Variants in NREP observed in about 807,000 individuals in gnomAD.
NREP encodes neuronal regeneration related protein.
A neutral mutation model predicts 8.6 loss-of-function variants in NREP; 5 were observed. The ratio of observed to expected loss-of-function variants is 0.58; its 90% CI spans 0.30 to 1.22. The LOEUF (loss-of-function observed/expected upper bound fraction) is 1.22. NREP is among the 50% of genes most tolerant of loss of function. The pLI is 0.07. For synonymous variants in NREP, 27 were observed against 28.0 expected, an observed-to-expected ratio of 0.96 and a Z score of 0.11; for missense variants, 86 against 82.5, an observed-to-expected ratio of 1.04 and a Z score of -0.17.
At position 111,762,995 on chromosome 5, in the gene NREP, G is replaced by A. The variant is rs369811181; in HGVS notation, c.136-27488C>T. On this transcript the variant is annotated intron_variant, in intron 2 of 3. Transcript: ENST00000395634. ...GTGTATAAAAGTTGAAGTCAGGAGG[G>A]CTCCACTAAAATTCACGGCTCGTTT... 1.4e-3 allele frequency among the ~76,000 whole-genome samples: 220 copies of A among 152,286 alleles called. 1 individual carries two copies. The highest frequency in any genetic ancestry group is 3.4e-3 in the Middle Eastern group (1 of 294).
At chr5:111,756,338 G>C in intron 1 of NREP, 2 of 504,364 alleles carry the variant, frequency 4.0e-6, no homozygotes, top group East Asian at 1.5e-4. Context: ...GGGGTGGGGG[G>C]AGTCAGGAAT....
At chr5:111,844,140 A>C (rs568308989) in intron 2 of NREP, among the ~76,000 whole-genome samples, 1 of 152,328 alleles carries the variant, frequency 6.6e-6, no homozygotes, top group African/African-American at 2.4e-5. Flanking sequence ...ATGTTTAAAA[A>C]GATAGAATAA....
At chr5:111,905,173 C>T (rs149664594) in intron 2 of NREP, among the ~76,000 whole-genome samples, 1 of 152,186 alleles carries the variant, frequency 6.6e-6, no homozygotes, top group East Asian at 1.9e-4. Context: ...GCAAAATTTT[C>T]CGTTGACCTC....
chr5:111,914,930 T>G (rs1222557500), intron 2 of NREP, among the ~76,000 whole-genome samples: 1 of 152,188 alleles, frequency 6.6e-6, no homozygotes, highest in Non-Finnish European at 1.5e-5. Context: ...AATCTTGCTC[T>G]TCTTTTTTAT....
chr5:111,810,889 T>G (rs1439143201), intron 2 of NREP, among the ~76,000 whole-genome samples: 1 of 152,224 alleles, frequency 6.6e-6, no homozygotes, highest in Non-Finnish European at 1.5e-5. Flanking sequence ...AGTAATTCTT[T>G]CAAGTGCATT....
chr5:111,920,812 G>A lies in NREP; in HGVS notation c.135+54462C>T, dbSNP rs983419080. ...GGGCAGAACACTACAAAGTGGATGT[G>A]CCTGGTTCAAGGTAGCTCTTCTAAT... On this transcript the variant is annotated intron_variant, in intron 2 of 3. Transcript: ENST00000395634. Among the ~76,000 whole-genome samples, 5 of 152,274 alleles carry A rather than the reference G, an allele frequency of 3.3e-5. No homozygotes were observed. The East Asian group carries it at 9.7e-4, about 29-fold the overall frequency.
chr5:111,757,146 C>T lies in NREP; in HGVS notation c.-69G>A, dbSNP rs1234921559. ...ATGGCATATACTTACAGACAAAAGC[C>T]CCGCTCCCTGTTCACTCTCTCTCCT... On this transcript the variant is annotated 5_prime_UTR_variant, in exon 1 of 4. Transcript: ENST00000257435. The T allele has an allele frequency of 8.2e-6, 8 of 976,694 alleles. No individual in the cohort carries two copies. Among genetic ancestry groups the T allele is most frequent in the African/African-American group, 1.8e-5 (1 of 56,768 alleles). 60.5% of individuals were successfully genotyped at this position (976,694 alleles called of 1,614,324 possible).
At chr5:111,872,637 G>T (rs1753815926) in intron 2 of NREP, among the ~76,000 whole-genome samples, 1 of 152,088 alleles carries the variant, frequency 6.6e-6, no homozygotes, top group Non-Finnish European at 1.5e-5. Context: ...TTGAGTGAAC[G>T]TTTTGTACAA....
At chr5:111,885,729 C>T (rs1219449234) in intron 2 of NREP, among the ~76,000 whole-genome samples, 4 of 152,134 alleles carry the variant, frequency 2.6e-5, no homozygotes, top group Admixed American at 2.6e-4. Flanking sequence ...GGAAAGGATT[C>T]CCTATTTAAT....
chr5:111,746,875 C>G (rs1208383047), intron 2 of NREP, among the ~76,000 whole-genome samples: 1 of 152,274 alleles, frequency 6.6e-6, no homozygotes, highest in Non-Finnish European at 1.5e-5. Flanking sequence ...TGCTTTTAAA[C>G]GGTGGGTACA....
chr5:111,819,047 G>A (rs1203342949), intron 2 of NREP, among the ~76,000 whole-genome samples: 1 of 152,130 alleles, frequency 6.6e-6, no homozygotes, highest in African/African-American at 2.4e-5. Flanking sequence ...AGTATGTTCA[G>A]CTCTCTTATT....
intron 2 of NREP, among the ~76,000 whole-genome samples, chr5:111,867,658 A>G (rs1237544985): frequency 6.6e-5 from 10 of 152,170 alleles, no homozygotes; most frequent in Non-Finnish European, 1.5e-4. Flanking sequence ...TTTTGGTTGA[A>G]TATTAGGGAG....
intron 2 of NREP, among the ~76,000 whole-genome samples, chr5:111,854,155 A>AAAAATGTAGTTT (rs1468062615): frequency 7.2e-6 from 1 of 138,796 alleles, no homozygotes. Flanking sequence ...AACAAACAAG[A>AAAAATGTAGTTT]AAAATGTAGT....
intron 2 of NREP, among the ~76,000 whole-genome samples, chr5:111,851,394 C>T (rs1461403994): frequency 6.6e-6 from 1 of 152,094 alleles, no homozygotes; most frequent in Non-Finnish European, 1.5e-5. Context: ...AGGGAAGTGG[C>T]TTTCCTAAGG....
intron 2 of NREP, among the ~76,000 whole-genome samples, chr5:111,845,540 A>G (rs764778881): frequency 1.1e-4 from 17 of 152,344 alleles, no homozygotes. Context: ...ATTAACAGAC[A>G]TACCCAAAAT....
At chr5:111,975,146 A>C in intron 2 of NREP, 1 of 663,580 alleles carries the variant, frequency 1.5e-6, no homozygotes, top group Admixed American at 2.6e-5. Flanking sequence ...GAATTAATGG[A>C]AAGGCTTTCA....
chr5:111,786,888 T>C (rs1029206113), intron 2 of NREP, among the ~76,000 whole-genome samples: 7 of 152,154 alleles, frequency 4.6e-5, no homozygotes, highest in African/African-American at 1.7e-4. Flanking sequence ...GGTGGGCAGA[T>C]TATTTTTGCC....
chr5:111,761,914 T>A (rs1750968431), upstream of NREP, among the ~76,000 whole-genome samples: 1 of 152,170 alleles, frequency 6.6e-6, no homozygotes, highest in Non-Finnish European at 1.5e-5. Context: ...TGCAAAACTG[T>A]AGAAGAAATG....
intron 2 of NREP, among the ~76,000 whole-genome samples, chr5:111,777,619 A>G (rs931572252): frequency 2.0e-5 from 3 of 152,092 alleles, no homozygotes; most frequent in African/African-American, 4.8e-5. Context: ...TATTTGTGGT[A>G]TTCAGTAACA....
Sources: allele counts gnomAD v4.1 joint callset (sites outside exome capture counted in the v4.1 genomes callset), GRCh38; gene constraint gnomAD v4.1.1; transcripts MANE v1.5; gene names NCBI Gene and HGNC (gene_info 2026-07-23, HGNC 2026-07-21).